Variants in ATG101 observed in about 807,000 individuals in gnomAD.
ATG101 encodes the protein autophagy-related protein 101.
ATG101 carries 6 observed loss-of-function variants against 16.7 expected under a neutral mutation model. The observed-to-expected ratio is 0.36, with a 90% CI of 0.20 to 0.71. The LOEUF (loss-of-function observed/expected upper bound fraction) is 0.71, where lower values mean the gene tolerates loss of function less well. ATG101 is among the 30% of genes least tolerant of loss of function. ATG101 has a pLI of 0.57. For missense variants in ATG101, 200 were observed against 292.5 expected (o/e 0.68, Z 2.31); for synonymous variants, 108 against 118.1 (o/e 0.91, Z 0.56).
intron 3 of ATG101, among the ~76,000 whole-genome samples, chr12:52,075,015 T>C (rs1386378462): frequency 6.6e-6 from 1 of 151,966 alleles, no homozygotes; most frequent in Non-Finnish European, 1.5e-5. Context: ...CCCAGGCTGG[T>C]CTTGAACTAA....
upstream of ATG101, among the ~76,000 whole-genome samples, chr12:52,066,510 C>T (rs1405399523): frequency 6.6e-6 from 1 of 152,140 alleles, no homozygotes; most frequent in Admixed American, 6.5e-5. Flanking sequence ...CATACTTAAC[C>T]AACTGTCTAG....
chr12:52,073,913 C>T lies in ATG101; in HGVS notation c.252+11C>T, dbSNP rs77525659. 19 of 1,446,480 alleles carry T rather than the reference C, an allele frequency of 1.3e-5. No homozygotes were observed. In the Middle Eastern group the frequency reaches 2.0e-3, roughly 149 times the overall value. 89.6% of individuals were successfully genotyped at this position (1,446,480 alleles called of 1,614,324 possible). ...GTTGGGGAGTTCAAGGTAAGGGTGT[C>T]GGGGAGTTCAAGGTAAGGGTGTGGC... On this transcript the variant is annotated intron_variant, in intron 3 of 3. Transcript: ENST00000336854.
intron 2 of ATG101, among the ~76,000 whole-genome samples, chr12:52,072,986 C>T (rs1488956065): frequency 1.3e-5 from 2 of 152,160 alleles, no homozygotes; most frequent in Non-Finnish European, 2.9e-5. Context: ...GTTTCCCAGG[C>T]TGGTCTTGAA....
rs116482467 is a variant in ATG101 at position 52,076,521 on chromosome 12, T to C, written c.253-265T>C. On this transcript the variant is annotated intron_variant, in intron 3 of 3. Coordinates refer to ENST00000336854, the MANE Select transcript of ATG101 (RefSeq NM_021934.5). ...ATACGTGCCTGCAGACCAGTAGTTATTCCTGTAATATCAGTTCTTCACCAA... is the reference window on the plus strand; with the variant it reads ...ATACGTGCCTGCAGACCAGTAGTTACTCCTGTAATATCAGTTCTTCACCAA... 3.1e-3 allele frequency among the ~76,000 whole-genome samples: 469 copies of C among 152,342 alleles called. 2 individuals carry two copies. The highest frequency in any genetic ancestry group is 0.011 in the African/African-American group (442 of 41,574).
upstream of ATG101, among the ~76,000 whole-genome samples, chr12:52,067,964 T>C (rs1411472367): frequency 6.6e-6 from 1 of 152,180 alleles, no homozygotes; most frequent in Non-Finnish European, 1.5e-5. Context: ...ATATATGGTA[T>C]TTAAAATCAT....
intron 3 of ATG101, among the ~76,000 whole-genome samples, chr12:52,075,479 A>G (rs1376777249): frequency 6.6e-6 from 1 of 152,270 alleles, no homozygotes; most frequent in East Asian, 1.9e-4. Flanking sequence ...TGTTTGGAAC[A>G]GAGCCTGGCA....
chr12:52,072,272 A>G (rs1939662463), intron 2 of ATG101, among the ~76,000 whole-genome samples: 1 of 152,262 alleles, frequency 6.6e-6, no homozygotes, highest in Admixed American at 6.5e-5. Flanking sequence ...CTGGGGTTCC[A>G]TTCCAGGTTG....
At chr12:52,069,634 G>A (rs1939605115), upstream of ATG101, 1 of 152,210 alleles carries the variant, frequency 6.6e-6, no homozygotes, top group Non-Finnish European at 1.5e-5. Context: ...CTCGGCCTAG[G>A]GAGGCGGCCG....
In ATG101 at chr12:52,073,797, C is replaced by A. The variant is rs151182897; in HGVS notation, c.147C>A (p.Thr49=). ...YKKEGTYSIG[T]VGTQDVDCDF... ...AGGAGGGCACCTACTCCATTGGCAC[C>A]GTGGGCACCCAGGATGTTGACTGTG... The change falls in exon 3 of 4, where the codon ACC becomes ACA. Residue 49 remains threonine, a synonymous_variant. Coordinates refer to ENST00000336854, the MANE Select transcript of ATG101 (RefSeq NM_021934.5). The A allele has an allele frequency of 6.2e-6, 10 of 1,614,234 alleles. No individual in the cohort carries two copies. Among genetic ancestry groups the A allele is most frequent in the Non-Finnish European group, 8.5e-6 (10 of 1,180,032 alleles).
chr12:52,067,875 C>T (rs533606224), upstream of ATG101, among the ~76,000 whole-genome samples: 1 of 151,746 alleles, frequency 6.6e-6, no homozygotes, highest in Non-Finnish European at 1.5e-5. Context: ...GGATTACAGG[C>T]GTGAGCCACC....
upstream of ATG101, among the ~76,000 whole-genome samples, chr12:52,067,753 A>ATTT (rs60759494): frequency 2.8e-3 from 390 of 140,646 alleles, 3 homozygotes; most frequent in African/African-American, 7.9e-3. Context: ...AAGCTTGGCT[A>ATTT]TTTTTTTTTT....
At chr12:52,074,685 C>A (rs907436103) in intron 3 of ATG101, among the ~76,000 whole-genome samples, 14 of 151,844 alleles carry the variant, frequency 9.2e-5, no homozygotes, top group African/African-American at 3.4e-4. Context: ...TTTGCCAGGC[C>A]TGGTGGCTCA....
At position 52,073,820 on chromosome 12, in the gene ATG101, G is replaced by C. The variant is rs1465681328; in HGVS notation, c.170G>C (p.Cys57Ser). 6.2e-7 allele frequency: 1 copy of C among 1,614,232 alleles called. No homozygotes were observed. Reference sequence around the variant, plus strand: ...ACCGTGGGCACCCAGGATGTTGACTGTGACTTCATCGACTTCACTTATGTG... The same window carrying C: ...ACCGTGGGCACCCAGGATGTTGACTCTGACTTCATCGACTTCACTTATGTG... ...IGTVGTQDVD[C>S]DFIDFTYVRV... The change falls in exon 3 of 4, where the codon TGT becomes TCT. Residue 57 changes from cysteine to serine, a missense_variant. Physicochemically the swap from Cys to Ser is moderately radical, Grantham distance 112 (BLOSUM62 -1). Coordinates refer to ENST00000336854, the MANE Select transcript of ATG101 (RefSeq NM_021934.5).
upstream of ATG101, among the ~76,000 whole-genome samples, chr12:52,068,082 C>T (rs1322936443): frequency 8.7e-5 from 13 of 150,130 alleles, no homozygotes; most frequent in Admixed American, 2.0e-4. Context: ...GGTTTCTCTC[C>T]GTTGCCCAGG....
chr12:52,074,942 G>A (rs1180832949), intron 3 of ATG101, among the ~76,000 whole-genome samples: 1 of 152,160 alleles, frequency 6.6e-6, no homozygotes, highest in African/African-American at 2.4e-5. Context: ...ATGGGTGACA[G>A]AGCAAAACCC....
upstream of ATG101, chr12:52,069,757 G>C (rs951806366): frequency 6.6e-6 from 1 of 152,190 alleles, no homozygotes; most frequent in Non-Finnish European, 1.5e-5. Flanking sequence ...CCACATGAGG[G>C]GGATCTTCAT....
intron 3 of ATG101, among the ~76,000 whole-genome samples, chr12:52,076,565 G>A (rs1304531772): frequency 6.6e-6 from 1 of 152,202 alleles, no homozygotes; most frequent in Non-Finnish European, 1.5e-5. Flanking sequence ...AGTTGGGCTT[G>A]GAGACAGATT....
At chr12:52,069,449 T>G (rs1939602262), upstream of ATG101, 1 of 152,298 alleles carries the variant, frequency 6.6e-6, no homozygotes, top group Non-Finnish European at 1.5e-5. Context: ...AACTCAAGTT[T>G]TGCCATCCAC....
chr12:52,067,107 T>C (rs1939558850), upstream of ATG101, among the ~76,000 whole-genome samples: 1 of 151,792 alleles, frequency 6.6e-6, no homozygotes, highest in African/African-American at 2.4e-5. Flanking sequence ...GGGAAGAGGA[T>C]AGGGAGCAGA....
Sources: allele counts gnomAD v4.1 joint callset (sites outside exome capture counted in the v4.1 genomes callset), GRCh38; gene constraint gnomAD v4.1.1; transcripts MANE v1.5; gene names NCBI Gene and HGNC (gene_info 2026-07-23, HGNC 2026-07-21).